RYR2: variants seen among roughly 807,000 people sequenced by gnomAD.
RYR2 encodes ryanodine receptor 2.
Under a neutral mutation model 601.1 loss-of-function variants are expected in RYR2, and 227 were observed. The ratio of observed to expected loss-of-function variants is 0.38; its 90% CI spans 0.34 to 0.42. RYR2 has a LOEUF of 0.42. Ranked by LOEUF, RYR2 falls within the 10% of genes least tolerant of loss-of-function variation. The probability of loss-of-function intolerance (pLI) is 1.00; values close to 1 mark genes in which losing one functional copy is unlikely to be tolerated. For synonymous variants in RYR2, 2,223 were observed against 2,175.1 expected (o/e 1.02, Z -0.61); for missense variants, 4,646 against 6,156.5 (o/e 0.75, Z 8.21).
chr1:237,229,796 G>A (rs568268117), intron 1 of RYR2, among the ~76,000 whole-genome samples: 1 of 152,230 alleles, frequency 6.6e-6, no homozygotes, highest in South Asian at 2.1e-4. Flanking sequence ...AGTATATCGT[G>A]CCCTTACTGT....
intron 1 of RYR2, among the ~76,000 whole-genome samples, chr1:237,153,700 GT>G (rs1674991563): frequency 1.3e-5 from 2 of 151,136 alleles, no homozygotes; most frequent in Admixed American, 1.3e-4. Flanking sequence ...CTGCAAAACC[GT>G]TATTTTAGGC....
chr1:237,058,759 C>T (rs754852041), intron 1 of RYR2, among the ~76,000 whole-genome samples: 23 of 144,536 alleles, frequency 1.6e-4, no homozygotes, highest in Admixed American at 5.6e-4. Context: ...CATCTTCTCA[C>T]CTGGTTAAGG....
Position 237,433,274 on chromosome 1 carries a change from T to TG in RYR2, c.1006-8043dup, listed in dbSNP as rs577104405. Reference sequence around the variant, plus strand: ...AATAGGTATCTCAGGAAAAAATAAATGGCACAGAAACACATATCTAAAACT... The same window carrying TG: ...AATAGGTATCTCAGGAAAAAATAAATGGGCACAGAAACACATATCTAAAACT... On this transcript the variant is annotated intron_variant, in intron 12 of 104. Transcript: ENST00000366574. 1.0e-3 allele frequency among the ~76,000 whole-genome samples: 158 copies of TG among 152,054 alleles called. 1 individual carries two copies. The highest frequency in any genetic ancestry group is 3.6e-3 in the African/African-American group (149 of 41,528).
intron 2 of RYR2, among the ~76,000 whole-genome samples, chr1:237,293,973 T>G (rs1472207442): frequency 6.6e-6 from 1 of 152,120 alleles, no homozygotes; most frequent in African/African-American, 2.4e-5. Flanking sequence ...ACCCCCCAGT[T>G]GCATTGTTGC....
intron 101 of RYR2, among the ~76,000 whole-genome samples, chr1:237,826,152 A>G (rs913414581): frequency 3.3e-5 from 5 of 152,196 alleles, no homozygotes; most frequent in Admixed American, 1.3e-4. Context: ...TGACCCAGCA[A>G]TCTTATTACT....
intron 8 of RYR2, among the ~76,000 whole-genome samples, chr1:237,386,328 G>A (rs551580171): frequency 3.0e-4 from 46 of 152,298 alleles, no homozygotes; most frequent in African/African-American, 4.3e-4. Flanking sequence ...AAAGAGACCC[G>A]TAGGATGTTT....
chr1:237,412,178 T>A (rs1256720687), intron 10 of RYR2, among the ~76,000 whole-genome samples: 1 of 151,992 alleles, frequency 6.6e-6, no homozygotes, highest in Non-Finnish European at 1.5e-5. Context: ...AGACTCAAAT[T>A]GTGTTTTATA....
intron 1 of RYR2, among the ~76,000 whole-genome samples, chr1:237,112,270 C>T (rs879625898): frequency 2.0e-5 from 3 of 152,118 alleles, no homozygotes; most frequent in Admixed American, 6.5e-5. Flanking sequence ...TCCACCACCA[C>T]GCCTGGCTAA....
chr1:237,401,317 TCAGTTTTCTC>T (rs1703326163), intron 10 of RYR2, among the ~76,000 whole-genome samples: 1 of 152,196 alleles, frequency 6.6e-6, no homozygotes, highest in Non-Finnish European at 1.5e-5. Context: ...AGTTATGGGC[TCAGTTTTCTC>T]CAAAACTGCC....
chr1:237,263,489 G>T (rs1264233487), intron 1 of RYR2, among the ~76,000 whole-genome samples: 1 of 152,202 alleles, frequency 6.6e-6, no homozygotes, highest in Non-Finnish European at 1.5e-5. Context: ...ATTTCTGTCT[G>T]CAAGTAACAT....
chr1:237,565,906 GT>G (rs1277601793), intron 27 of RYR2, among the ~76,000 whole-genome samples: 1 of 151,976 alleles, frequency 6.6e-6, no homozygotes, highest in East Asian at 1.9e-4. Context: ...CATCACACTG[GT>G]CCTAATGTTG....
Position 237,248,364 on chromosome 1 carries a change from G to A in RYR2, c.49-22133G>A, listed in dbSNP as rs148244474. ...TTTCAAAGGAGAAATACTGCTTTGG[G>A]TTGTGCATTAGTTGCTATTTGACTA... is the stretch of plus-strand genomic sequence containing the variant. On this transcript the variant is annotated intron_variant, in intron 1 of 104. Transcript: ENST00000366574. Among the ~76,000 whole-genome samples the A allele has an allele frequency of 2.7e-4, 38 of 143,308 alleles. No homozygotes were observed. In the East Asian group the frequency reaches 7.6e-3, roughly 29 times the overall value. 94.0% of individuals were successfully genotyped at this position (143,308 alleles called of 152,430 possible). A position where few individuals can be genotyped will look rare whatever the true frequency, so the allele number is the denominator to read the frequency against.
intron 2 of RYR2, among the ~76,000 whole-genome samples, chr1:237,327,336 A>G (rs562494200): frequency 1.3e-4 from 20 of 152,306 alleles, no homozygotes; most frequent in Admixed American, 6.5e-4. Context: ...ATCTGAAAAA[A>G]TAGCTGTAGC....
chr1:237,044,991 G>C (rs558945484), intron 1 of RYR2, among the ~76,000 whole-genome samples: 1 of 149,868 alleles, frequency 6.7e-6, no homozygotes, highest in Admixed American at 6.6e-5. Context: ...AGCCCAAGGA[G>C]TATTAGGAAT....
chr1:237,051,655 G>T (rs1661297702), intron 1 of RYR2, among the ~76,000 whole-genome samples: 1 of 152,126 alleles, frequency 6.6e-6, no homozygotes, highest in African/African-American at 2.4e-5. Flanking sequence ...TCTTGTAGGT[G>T]CATTGATATG....
intron 1 of RYR2, among the ~76,000 whole-genome samples, chr1:237,078,822 C>A (rs1359210450): frequency 3.0e-5 from 3 of 100,058 alleles, no homozygotes; most frequent in African/African-American, 1.1e-4. Context: ...GAGACACAAC[C>A]CAAAAAGAGA....
Position 237,593,625 on chromosome 1 carries a change from A to G in RYR2, c.4425A>G (p.Lys1475=). 6.2e-7 allele frequency: 1 copy of G among 1,613,812 alleles called. No homozygotes were observed. The highest frequency in any genetic ancestry group is 8.5e-7 in the Non-Finnish European group (1 of 1,179,786). Residue 1475 remains lysine, a synonymous_variant, in exon 33 of 105, where the codon AAA becomes AAG. Transcript: ENST00000366574. ...VTVTLGDEKG[K]VHESIKRSNC... is the part of the protein sequence containing the mutation. ...TTACTCTAGGAGATGAAAAAGGAAA[A>G]GTGCATGAAAGGTTAGTTTTCCTCA... is the stretch of plus-strand genomic sequence containing the variant.
intron 25 of RYR2, among the ~76,000 whole-genome samples, chr1:237,540,983 G>A (rs1669201490): frequency 6.6e-6 from 1 of 151,974 alleles, no homozygotes; most frequent in African/African-American, 2.4e-5. Context: ...GAATGTATTA[G>A]ATACTGAATG....
chr1:237,158,147 A>G (rs1000709463), intron 1 of RYR2, among the ~76,000 whole-genome samples: 10 of 152,362 alleles, frequency 6.6e-5, no homozygotes, highest in Admixed American at 2.6e-4. Context: ...TGTTTTAAGT[A>G]CATGGCATAG....
Sources: allele counts gnomAD v4.1 joint callset (sites outside exome capture counted in the v4.1 genomes callset), GRCh38; gene constraint gnomAD v4.1.1; transcripts MANE v1.5; gene names NCBI Gene and HGNC (gene_info 2026-07-23, HGNC 2026-07-21).